The following CRISP3 variants were observed in gnomAD, a reference collection of about 807,000 sequenced individuals.
The protein encoded by CRISP3 is cysteine rich secretory protein 3.
A neutral mutation model predicts 36.1 loss-of-function variants in CRISP3; 33 were observed. That is an observed-to-expected ratio of 0.91 (90% CI 0.69 to 1.22). CRISP3 has a LOEUF of 1.22. Ranked by LOEUF, CRISP3 falls within the 50% of genes most tolerant of loss-of-function variation. The pLI is 0.00. For synonymous variants in CRISP3, 117 were observed against 104.6 expected (o/e 1.12, Z -0.72); for missense variants, 330 against 301.2 (o/e 1.10, Z -0.71).
At chr6:49,731,338 T>C in intron 6 of CRISP3, 87 bp from the exon 7 acceptor site, 1 of 593,400 alleles carries the variant, frequency 1.7e-6, no homozygotes, top group Non-Finnish European at 2.9e-6. Flanking sequence ...CAAATATACA[T>C]GAGTATTTAT....
At chr6:49,736,573 G>T in intron 2 of CRISP3, 66 bp from the exon 3 acceptor site, 2 of 1,137,894 alleles carry the variant, frequency 1.8e-6, no homozygotes, top group Non-Finnish European at 2.7e-6. Flanking sequence ...TAGTAACTAT[G>T]TTAGTTCAAG....
intron 3 of CRISP3, among the ~76,000 whole-genome samples, chr6:49,735,957 C>G (rs1769040650): frequency 6.6e-6 from 1 of 152,096 alleles, no homozygotes; most frequent in Admixed American, 6.6e-5. Context: ...TACTTCATTT[C>G]CAGTTCTTTT....
chr6:49,742,580 C>T (rs537386299), intron 1 of CRISP3, among the ~76,000 whole-genome samples: 6 of 134,616 alleles, frequency 4.5e-5, no homozygotes, highest in East Asian at 4.3e-4. Context: ...TGCAGCGAGC[C>T]GAGAGTGTGC....
Position 49,735,486 on chromosome 6 carries a change from A to G in CRISP3, c.316+18T>C, listed in dbSNP as rs1769025190. On this transcript the variant is annotated intron_variant, in intron 4 of 7. Coordinates refer to ENST00000263045, the MANE Select transcript of CRISP3 (RefSeq NM_006061.4). Reference sequence around the variant, plus strand: ...TTACTTGTTGATTTATTCAACAAATATTTCCTAATTTACATACTTGTCATT... The same window carrying G: ...TTACTTGTTGATTTATTCAACAAATGTTTCCTAATTTACATACTTGTCATT... 2 of 1,558,698 alleles carry G rather than the reference A, an allele frequency of 1.3e-6. No homozygotes were observed. Among genetic ancestry groups the G allele is most frequent in the Non-Finnish European group, 8.8e-7 (1 of 1,136,768 alleles).
chr6:49,733,040 T>C (rs1768953923), intron 6 of CRISP3, among the ~76,000 whole-genome samples, 155 bp downstream of exon 6: 1 of 152,178 alleles, frequency 6.6e-6, no homozygotes, highest in Admixed American at 6.5e-5. Flanking sequence ...AACTTTATCT[T>C]TCTGAGAAGT....
At chr6:49,733,582 A>C in intron 5 of CRISP3, 121 bp downstream of exon 5, 1 of 983,900 alleles carries the variant, frequency 1.0e-6, no homozygotes, top group Non-Finnish European at 1.5e-6. Context: ...ACCAAATGCC[A>C]GACTATTCTA....
intron 1 of CRISP3, among the ~76,000 whole-genome samples, chr6:49,741,473 C>T (rs1379397728): frequency 6.6e-6 from 1 of 152,018 alleles, no homozygotes; most frequent in African/African-American, 2.4e-5. Flanking sequence ...TTAAAAATAT[C>T]ATGACCAAGT....
In CRISP3 at chr6:49,736,415, G is replaced by A. The variant is rs376623245; in HGVS notation, c.204C>T (p.Pro68=). 2 of 1,611,478 alleles carry A rather than the reference G, an allele frequency of 1.2e-6. No homozygotes were observed. Among genetic ancestry groups the A allele is most frequent in the African/African-American group, 2.7e-5 (2 of 74,820 alleles). ...CCATCTTCAGCATGTTTCTGGCAGG[G>A]GGAGATACTGCTCTCCTCAGTTCAT... The part of the protein sequence containing the change: ...KHNELRRAVS[P]PARNMLKMEW... Residue 68 remains proline (P), a synonymous_variant, in exon 3 of 8, where the codon CCC becomes CCT. Transcript: ENST00000263045.
chr6:49,730,539 A>G (rs575483925), intron 7 of CRISP3, among the ~76,000 whole-genome samples: 1 of 152,116 alleles, frequency 6.6e-6, no homozygotes, highest in Non-Finnish European at 1.5e-5. Flanking sequence ...CCTTTTTTAA[A>G]ATAATGCTGT....
intron 1 of CRISP3, among the ~76,000 whole-genome samples, chr6:49,741,611 GTTTTTTTTTT>G (rs375461364): frequency 1.2e-4 from 13 of 112,992 alleles, no homozygotes; most frequent in African/African-American, 4.0e-4. Context: ...CCTGTATGTA[GTTTTTTTTTT>G]TTTTTTTTTT....
chr6:49,737,001 A>G (rs1582195355), intron 2 of CRISP3, among the ~76,000 whole-genome samples: 2 of 152,170 alleles, frequency 1.3e-5, no homozygotes, highest in African/African-American at 4.8e-5. Context: ...ATACTCTAGT[A>G]AAAGAGTTTT....
intron 1 of CRISP3, among the ~76,000 whole-genome samples, chr6:49,738,091 C>CA (rs1769106179): frequency 6.6e-6 from 1 of 152,056 alleles, no homozygotes; most frequent in African/African-American, 2.4e-5. Context: ...GATCTTAAAA[C>CA]AAAAAGGTAA....
Position 49,731,220 on chromosome 6 carries a change from A to G in CRISP3, c.592T>C (p.Tyr198His). 6.2e-7 allele frequency: 1 copy of G among 1,611,436 alleles called. No homozygotes were observed. Among genetic ancestry groups the G allele is most frequent in the Non-Finnish European group, 8.5e-7 (1 of 1,178,632 alleles). The change falls in exon 7 of 8, where the codon TAT becomes CAT. Residue 198 changes from tyrosine (Y) to histidine (H), a missense_variant. Tyr to His is a moderately conservative substitution (Grantham distance 83). Transcript: ENST00000263045. The stretch of plus-strand genomic sequence containing the variant: ...CTGGCACAAGGTGCTCCTTGTTCAT[A>G]AGGGACATATAGTCTATTAGCCCAA... ...GNWANRLYVP[Y>H]EQGAPCASCP...
chr6:49,731,708 AC>A (rs1402024726), intron 6 of CRISP3, among the ~76,000 whole-genome samples: 7 of 148,004 alleles, frequency 4.7e-5, no homozygotes, highest in East Asian at 4.0e-4. Context: ...ATAAAAAAAA[AC>A]CATAATTTCT....
chr6:49,728,725 C>G lies in CRISP3; in HGVS notation c.*5G>C. ...ACATAGCCCTACTCGGTGTGTAATGCGTATTTAATAAATGCTGTTTGAACA... is the reference window on the plus strand; with the variant it reads ...ACATAGCCCTACTCGGTGTGTAATGGGTATTTAATAAATGCTGTTTGAACA... On this transcript the variant is annotated 3_prime_UTR_variant, in exon 8 of 8. Transcript: ENST00000263045. The G allele has an allele frequency of 6.8e-6, 11 of 1,608,716 alleles. No homozygotes were observed. The highest frequency in any genetic ancestry group is 2.7e-5 in the African/African-American group (2 of 74,888).
At chr6:49,735,661 C>A in intron 3 of CRISP3, 70 bp from the exon 4 acceptor site, 2 of 1,187,722 alleles carry the variant, frequency 1.7e-6, no homozygotes, top group South Asian at 2.6e-5. Flanking sequence ...GCTTTATAAT[C>A]AGGTTATAGG....
At chr6:49,741,762 T>C (rs868462272) in intron 1 of CRISP3, among the ~76,000 whole-genome samples, 10 of 148,488 alleles carry the variant, frequency 6.7e-5, no homozygotes, top group African/African-American at 1.5e-4. Context: ...AAAGAATGAC[T>C]AACACTTTTA....
In CRISP3 at chr6:49,744,372, T is replaced by A. The variant is rs1445728005; in HGVS notation, c.-5A>T. The stretch of plus-strand genomic sequence containing the variant: ...AGGATGAAGTATTTGTTTCATCTAT[T>A]GACAGAAGGAAGGTGCAGAGAGAGA... On this transcript the variant is annotated 5_prime_UTR_variant, in exon 1 of 8. Transcript: ENST00000263045. 8.9e-5 allele frequency: 137 copies of A among 1,533,244 alleles called. No individual in the cohort carries two copies. The highest frequency in any genetic ancestry group is 1.2e-4 in the Non-Finnish European group (133 of 1,145,048). The allele number at this position is 1,533,244 out of a possible 1,614,324, so 95.0% of individuals were successfully genotyped here.
At chr6:49,731,055 C>T in intron 7 of CRISP3, 108 bp downstream of exon 7, 1 of 749,168 alleles carries the variant, frequency 1.3e-6, no homozygotes, top group Admixed American at 3.0e-5. Context: ...TCCTTTTTGT[C>T]CTTTGCATGA....
Sources: allele counts gnomAD v4.1 joint callset (sites outside exome capture counted in the v4.1 genomes callset), GRCh38; gene constraint gnomAD v4.1.1; transcripts MANE v1.5; gene names NCBI Gene and HGNC (gene_info 2026-07-23, HGNC 2026-07-21).